HCN1: variants seen among roughly 807,000 people sequenced by gnomAD.
HCN1 encodes hyperpolarization activated cyclic nucleotide gated potassium channel 1, also known as potassium/sodium hyperpolarization-activated cyclic nucleotide-gated channel 1.
Under a neutral mutation model 78.9 loss-of-function variants are expected in HCN1, and 13 were observed. The ratio of observed to expected loss-of-function variants is 0.16; its 90% CI spans 0.11 to 0.26. The LOEUF is 0.26. HCN1 is among the 10% of genes least tolerant of loss of function. HCN1 has a pLI of 1.00. For synonymous variants in HCN1, 552 were observed against 455.5 expected, an observed-to-expected ratio of 1.21 and a Z score of -2.70; for missense variants, 810 against 1,154.3, an observed-to-expected ratio of 0.70 and a Z score of 4.32.
At chr5:45,340,557 C>G (rs1746555492) in intron 5 of HCN1, among the ~76,000 whole-genome samples, 1 of 152,134 alleles carries the variant, frequency 6.6e-6, no homozygotes, top group African/African-American at 2.4e-5. Flanking sequence ...CCTCTCCAGG[C>G]CCCTGAGAAT....
intron 5 of HCN1, among the ~76,000 whole-genome samples, chr5:45,346,022 G>C (rs1365568951): frequency 6.6e-6 from 1 of 152,202 alleles, no homozygotes; most frequent in Non-Finnish European, 1.5e-5. Context: ...ATGGCAGAAG[G>C]GGAAGCAAAC....
chr5:45,311,320 G>T (rs1745848048), intron 5 of HCN1, among the ~76,000 whole-genome samples: 1 of 152,182 alleles, frequency 6.6e-6, no homozygotes, highest in Middle Eastern at 3.4e-3. Context: ...CATCAATATG[G>T]TTTTTATTTT....
chr5:45,475,877 A>G (rs1369548196), intron 2 of HCN1, among the ~76,000 whole-genome samples: 3 of 152,246 alleles, frequency 2.0e-5, no homozygotes, highest in Admixed American at 1.3e-4. Context: ...ATTTCTGTCA[A>G]CCTCTTTTTC....
chr5:45,652,113 G>T (rs1209727624), intron 1 of HCN1, among the ~76,000 whole-genome samples: 1 of 151,924 alleles, frequency 6.6e-6, no homozygotes, highest in African/African-American at 2.4e-5. Flanking sequence ...TAATGAAATA[G>T]AAATTTAAAA....
At chr5:45,487,542 G>C (rs530386797) in intron 2 of HCN1, among the ~76,000 whole-genome samples, 1 of 152,068 alleles carries the variant, frequency 6.6e-6, no homozygotes, top group South Asian at 2.1e-4. Context: ...GGCATATACT[G>C]TCAGAGTTTT....
chr5:45,645,705 G>T, intron 1 of HCN1, 97 bp from the exon 2 acceptor site: 2 of 641,676 alleles, frequency 3.1e-6, no homozygotes, highest in East Asian at 5.5e-5. Context: ...AGATCAATAA[G>T]TAAAAGAACA....
At chr5:45,526,388 C>T (rs982922988) in intron 2 of HCN1, among the ~76,000 whole-genome samples, 1 of 152,090 alleles carries the variant, frequency 6.6e-6, no homozygotes, top group African/African-American at 2.4e-5. Flanking sequence ...CTGTTTACTT[C>T]ACACTGGTTC....
chr5:45,459,930 A>T (rs1032504046), intron 3 of HCN1, among the ~76,000 whole-genome samples: 13 of 152,130 alleles, frequency 8.5e-5, no homozygotes, highest in Non-Finnish European at 1.6e-4. Flanking sequence ...CTTCAAAAAG[A>T]TAAGTAAAGT....
At chr5:45,278,911 G>T (rs184813160) in intron 6 of HCN1, among the ~76,000 whole-genome samples, 8 of 151,988 alleles carry the variant, frequency 5.3e-5, no homozygotes, top group African/African-American at 1.7e-4. Flanking sequence ...CATTTTTAAA[G>T]GTTTGTTAAA....
chr5:45,517,933 TAA>T (rs1394593796), intron 2 of HCN1, among the ~76,000 whole-genome samples: 1 of 152,094 alleles, frequency 6.6e-6, no homozygotes, highest in Non-Finnish European at 1.5e-5. Context: ...CACTGTAATA[TAA>T]GTTACTTGCT....
chr5:45,309,807 G>A (rs1284629955), intron 5 of HCN1, among the ~76,000 whole-genome samples: 1 of 152,122 alleles, frequency 6.6e-6, no homozygotes, highest in African/African-American at 2.4e-5. Context: ...TGTTCATCAA[G>A]GATATTGGGC....
chr5:45,306,063 AG>A (rs1227349759), intron 5 of HCN1, among the ~76,000 whole-genome samples: 2 of 152,112 alleles, frequency 1.3e-5, no homozygotes, highest in African/African-American at 2.4e-5. Context: ...GGAAGATAAA[AG>A]GTGACGTGGA....
chr5:45,262,550 T>TG lies in HCN1; in HGVS notation c.2043dup (p.Ser682GlnfsTer85). The TG allele has an allele frequency of 6.2e-7, 1 of 1,612,908 alleles. No individual in the cohort carries two copies. The highest frequency in any genetic ancestry group is 8.5e-7 in the Non-Finnish European group (1 of 1,179,694). On this transcript the variant is annotated frameshift_variant, in exon 8 of 8. Coordinates refer to ENST00000303230, the MANE Select transcript of HCN1 (RefSeq NM_021072.4). LOFTEE classifies it high-confidence loss of function. ...GGCTGGGGGGTCTGTGTGCTGGGAC[T>TG]GGGGGAGTGCAGGTTGCTGTGAGAC... is the stretch of plus-strand genomic sequence containing the variant.
chr5:45,438,621 A>G (rs2112084106), intron 3 of HCN1, among the ~76,000 whole-genome samples: 1 of 151,930 alleles, frequency 6.6e-6, no homozygotes, highest in Non-Finnish European at 1.5e-5. Flanking sequence ...ACAAAAAAAG[A>G]AAAACAAACA....
At chr5:45,537,739 C>T (rs771482317) in intron 2 of HCN1, among the ~76,000 whole-genome samples, 9 of 151,586 alleles carry the variant, frequency 5.9e-5, no homozygotes, top group Non-Finnish European at 1.3e-4. Context: ...ACTCTGTTAC[C>T]TTCCTATCTT....
At chr5:45,266,189 G>T (rs1474723102) in intron 7 of HCN1, among the ~76,000 whole-genome samples, 2 of 152,050 alleles carry the variant, frequency 1.3e-5, no homozygotes, top group Non-Finnish European at 2.9e-5. Context: ...AACTAATAAG[G>T]CCTAATGGTT....
intron 3 of HCN1, among the ~76,000 whole-genome samples, chr5:45,445,856 A>C (rs944799919): frequency 2.6e-5 from 4 of 152,216 alleles, no homozygotes; most frequent in Admixed American, 6.5e-5. Context: ...ACTAACAAAC[A>C]CAAAGGACAT....
chr5:45,276,597 G>T (rs1326180757), intron 6 of HCN1, among the ~76,000 whole-genome samples: 1 of 152,098 alleles, frequency 6.6e-6, no homozygotes, highest in African/African-American at 2.4e-5. Flanking sequence ...CATTTTCCCT[G>T]CAACCTGTAC....
intron 2 of HCN1, among the ~76,000 whole-genome samples, chr5:45,604,515 G>A (rs181716470): frequency 9.1e-4 from 138 of 152,018 alleles, no homozygotes; most frequent in African/African-American, 2.9e-3. Flanking sequence ...GTGACAAAGC[G>A]TCTATGAACT....
Sources: gnomAD v4.1 joint callset for allele counts (sites outside exome capture counted in the v4.1 genomes callset) on GRCh38, gnomAD v4.1.1 for gene constraint, MANE v1.5 for transcripts, NCBI Gene and HGNC (gene_info 2026-07-23, HGNC 2026-07-21) for gene names.